GABRA3: variants seen among roughly 807,000 people sequenced by gnomAD.
GABRA3 encodes gamma-aminobutyric acid receptor subunit alpha-3.
A neutral mutation model predicts 30.1 loss-of-function variants in GABRA3; 10 were observed. The observed-to-expected ratio is 0.33, with a 90% confidence interval of 0.20 to 0.56. The LOEUF is 0.56. Ranked by LOEUF, GABRA3 falls within the 20% of genes least tolerant of loss-of-function variation. The pLI is 0.89. For missense variants in GABRA3, 233 were observed against 392.0 expected (o/e 0.59, Z 3.42); for synonymous variants, 151 against 146.8 (o/e 1.03, Z -0.21).
intron 3 of GABRA3, among the ~76,000 whole-genome samples, chrX:152,343,333 T>G (rs1431970512): frequency 9.0e-6 from 1 of 110,936 alleles, no homozygotes; most frequent in East Asian, 2.8e-4. Flanking sequence ...TTGTTTGATT[T>G]CTATAAAACA....
intron 3 of GABRA3, among the ~76,000 whole-genome samples, chrX:152,304,309 G>C (rs966845860): frequency 3.6e-5 from 4 of 111,918 alleles, no homozygotes; most frequent in Non-Finnish European, 7.5e-5. Context: ...AGATTAATTA[G>C]ATCCCACTTG....
chrX:152,254,453 T>C (rs773557927), intron 5 of GABRA3, among the ~76,000 whole-genome samples: 3 of 110,660 alleles, frequency 2.7e-5, no homozygotes, highest in South Asian at 7.7e-4. Flanking sequence ...CCAATATACA[T>C]GCCTCTATGT....
chrX:152,293,613 ATAACAACTGTTATTGTTAAC>A (rs1348052093), intron 3 of GABRA3, among the ~76,000 whole-genome samples: 2 of 111,897 alleles, frequency 1.8e-5, no homozygotes, highest in African/African-American at 6.5e-5. Context: ...AATAATAACA[ATAACAACTGTTATTGTTAAC>A]AAACAATAGT....
chrX:152,352,291 C>A (rs1343776529), intron 2 of GABRA3, among the ~76,000 whole-genome samples: 2 of 111,489 alleles, frequency 1.8e-5, no homozygotes, highest in African/African-American at 3.3e-5. Flanking sequence ...ATGGGGATAA[C>A]AATAACCTAC....
intron 7 of GABRA3, among the ~76,000 whole-genome samples, chrX:152,206,251 C>T (rs1216081547): frequency 2.7e-5 from 3 of 112,828 alleles, no homozygotes; most frequent in Admixed American, 9.3e-5. Flanking sequence ...CTTTGGGCCA[C>T]GTGATGCTGC....
intron 1 of GABRA3, among the ~76,000 whole-genome samples, chrX:152,392,472 C>T (rs1929514762): frequency 8.9e-6 from 1 of 111,841 alleles, no homozygotes; most frequent in South Asian, 3.7e-4. Flanking sequence ...TTTCACAAAT[C>T]ATGATGAATG....
At chrX:152,229,664 G>A (rs1255562321) in intron 5 of GABRA3, among the ~76,000 whole-genome samples, 2 of 109,851 alleles carry the variant, frequency 1.8e-5, no homozygotes, top group Non-Finnish European at 3.8e-5. Flanking sequence ...AGAGATCAAG[G>A]GGAAGAGTAA....
intron 1 of GABRA3, among the ~76,000 whole-genome samples, chrX:152,369,763 A>G (rs1383237433): frequency 9.0e-6 from 1 of 111,074 alleles, no homozygotes; most frequent in Non-Finnish European, 1.9e-5. Context: ...CTTGTTTCTC[A>G]GATAGAAAAG....
intron 5 of GABRA3, 145 bp downstream of exon 5, chrX:152,255,633 G>A: frequency 4.2e-6 from 2 of 481,669 alleles, no homozygotes; most frequent in East Asian, 7.0e-5. Flanking sequence ...ATGTATGCAT[G>A]CAATTGTATT....
chrX:152,277,406 T>C (rs1275676400), intron 4 of GABRA3, among the ~76,000 whole-genome samples: 1 of 111,428 alleles, frequency 9.0e-6, no homozygotes, highest in Non-Finnish European at 1.9e-5. Context: ...TTCCCAGGCT[T>C]CCATTTTATT....
chrX:152,266,119 T>A (rs1193574960), intron 4 of GABRA3, among the ~76,000 whole-genome samples: 1 of 111,503 alleles, frequency 9.0e-6, no homozygotes, highest in Non-Finnish European at 1.9e-5. Context: ...AAGGGAATCC[T>A]ATATCAAGAG....
At chrX:152,328,432 T>A (rs1364957774) in intron 3 of GABRA3, among the ~76,000 whole-genome samples, 1 of 111,553 alleles carries the variant, frequency 9.0e-6, no homozygotes, top group African/African-American at 3.3e-5. Flanking sequence ...CTGATGAACA[T>A]CGATGCAAAA....
intron 1 of GABRA3, among the ~76,000 whole-genome samples, chrX:152,379,103 G>A (rs1929073913): frequency 9.0e-6 from 1 of 111,533 alleles, no homozygotes. Context: ...ACAAGATCGA[G>A]TAACAAATCT....
intron 3 of GABRA3, among the ~76,000 whole-genome samples, chrX:152,295,466 A>AGT (rs1195318303): frequency 8.8e-6 from 1 of 113,169 alleles, no homozygotes; most frequent in Non-Finnish European, 1.9e-5. Flanking sequence ...CTGCGCTAGC[A>AGT]GTGAGCAAGG....
intron 9 of GABRA3, 92 bp from the exon 10 acceptor site, chrX:152,168,655 A>G: frequency 1.5e-6 from 1 of 667,423 alleles, no homozygotes; most frequent in Non-Finnish European, 2.3e-6. Flanking sequence ...TGCAGGGAGG[A>G]GGAGCCATGA....
chrX:152,269,627 C>T (rs902467285), intron 4 of GABRA3, among the ~76,000 whole-genome samples: 1 of 112,111 alleles, frequency 8.9e-6, no homozygotes, highest in Non-Finnish European at 1.9e-5. Context: ...CATCATGGTG[C>T]TGGCATAAAC....
intron 3 of GABRA3, among the ~76,000 whole-genome samples, chrX:152,326,555 T>A (rs1240570058): frequency 8.9e-6 from 1 of 111,862 alleles, no homozygotes; most frequent in Admixed American, 9.5e-5. Context: ...ATATTCAACA[T>A]TCTTAAAGAA....
chrX:152,202,412 C>T (rs1242649353), intron 7 of GABRA3, among the ~76,000 whole-genome samples: 1 of 111,576 alleles, frequency 9.0e-6, no homozygotes, highest in Admixed American at 9.5e-5. Context: ...GTCTCCCTCC[C>T]ACATCTGCCC....
chrX:152,300,015 AAAG>A (rs1939602349), intron 3 of GABRA3, among the ~76,000 whole-genome samples: 1 of 112,135 alleles, frequency 8.9e-6, no homozygotes, highest in South Asian at 3.7e-4. Flanking sequence ...GGAGATGGTT[AAAG>A]AAGATGTTCT....
Sources: gnomAD v4.1 joint callset for allele counts (sites outside exome capture counted in the v4.1 genomes callset) on GRCh38, gnomAD v4.1.1 for gene constraint, MANE v1.5 for transcripts, NCBI Gene and HGNC (gene_info 2026-07-23, HGNC 2026-07-21) for gene names.